Variants in TOPAZ1 observed in about 807,000 individuals in gnomAD.
The protein encoded by TOPAZ1 is testis and ovary specific TOPAZ 1, also known as protein TOPAZ1.
TOPAZ1 carries 66 observed loss-of-function variants against 172.2 expected under a neutral mutation model. That is an observed-to-expected ratio of 0.38 (90% CI 0.31 to 0.47). The LOEUF is 0.47. Among genes scored for constraint, TOPAZ1 ranks in the 20% least tolerant of loss-of-function variants. The pLI is 0.99. For missense variants in TOPAZ1, 1,822 were observed against 1,972.4 expected (o/e 0.92, Z 1.44); for synonymous variants, 681 against 683.9 (o/e 1.00, Z 0.07).
intron 12 of TOPAZ1, among the ~76,000 whole-genome samples, chr3:44,296,863 A>G (rs200441601): frequency 8.1e-4 from 99 of 121,682 alleles, no homozygotes; most frequent in Non-Finnish European, 1.4e-3. Context: ...AAAAAAAAAA[A>G]AGAAAAAAAA....
rs796380330 is a variant in TOPAZ1, at chr3:44,252,119, G to A, written c.2766-2849G>A. ...TCCCATACCTATATAAATTATACTA[G>A]CAGTATTATAAATACTATCTTAATA... On this transcript the variant is annotated intron_variant, in intron 2 of 19. Transcript: ENST00000309765. 6.6e-5 allele frequency among the ~76,000 whole-genome samples: 10 copies of A among 151,966 alleles called. No individual in the cohort carries two copies. In the South Asian group the frequency reaches 2.1e-3, roughly 31 times the overall value.
intron 9 of TOPAZ1, 80 bp from the exon 10 acceptor site, chr3:44,287,309 A>G: frequency 1.4e-6 from 1 of 734,306 alleles, no homozygotes; most frequent in Non-Finnish European, 2.0e-6. Context: ...TTATCTTTAT[A>G]TATAGAAAAA....
intron 2 of TOPAZ1, among the ~76,000 whole-genome samples, chr3:44,254,627 C>CAAA (rs10579109): frequency 6.0e-5 from 5 of 83,200 alleles, no homozygotes; most frequent in African/African-American, 9.6e-5. Flanking sequence ...AACTCCGTCT[C>CAAA]AAAAAAAAAA....
At chr3:44,298,365 G>A (rs1700223087) in intron 12 of TOPAZ1, among the ~76,000 whole-genome samples, 1 of 152,084 alleles carries the variant, frequency 6.6e-6, no homozygotes, top group African/African-American at 2.4e-5. Context: ...TGTAGCTGTG[G>A]GAGGATCACT....
rs1057197337 is a variant in TOPAZ1 at position 44,243,909 on chromosome 3, G to A, written c.1403G>A (p.Arg468Gln). 7.1e-6 allele frequency: 11 copies of A among 1,552,098 alleles called. No homozygotes were observed. Among genetic ancestry groups the A allele is most frequent in the South Asian group, 2.4e-5 (2 of 84,044 alleles). ...NEYHIERRSS[R>Q]EDLRSASEEL... ...TACCATATTGAAAGGAGATCTTCACGGGAAGACTTAAGAAGTGCATCTGAA... is the reference window on the plus strand; with the variant it reads ...TACCATATTGAAAGGAGATCTTCACAGGAAGACTTAAGAAGTGCATCTGAA... The change falls in exon 2 of 20, where the codon CGG (arginine) becomes CAG (glutamine). Residue 468 changes from arginine to glutamine, a missense_variant. Around this residue, in one of 2 missense-constraint regions of TOPAZ1, gnomAD observed 1,489 missense variants for 1,490.8 expected, o/e 1.00. Transcript: ENST00000309765.
chr3:44,268,530 T>C (rs1044386570), intron 6 of TOPAZ1, among the ~76,000 whole-genome samples: 7 of 151,746 alleles, frequency 4.6e-5, no homozygotes, highest in Non-Finnish European at 7.4e-5. Flanking sequence ...CGCACCACCA[T>C]GCCTGGCTAA....
In TOPAZ1 at chr3:44,287,586, TTC is replaced by T. The variant is rs1305332150; in HGVS notation, c.3588+50_3588+51del. 2.3e-6 allele frequency: 3 copies of T among 1,288,884 alleles called. No homozygotes were observed. In the African/African-American group the frequency reaches 4.6e-5, roughly 20 times the overall value. 79.8% of individuals were successfully genotyped at this position (1,288,884 alleles called of 1,614,324 possible). The stretch of plus-strand genomic sequence containing the variant: ...TGTTATTTTAATATTTTATGTTAAT[TTC>T]TCTGTCATATTCATTGTTTGAACTT... On this transcript the variant is annotated intron_variant, in intron 10 of 19. Transcript: ENST00000309765.
chr3:44,266,928 T>C, intron 5 of TOPAZ1, 69 bp from the exon 6 acceptor site: 1 of 1,139,804 alleles, frequency 8.8e-7, no homozygotes, highest in Admixed American at 3.4e-5. Context: ...ATATCTGATA[T>C]CTGCAAAGCA....
intron 6 of TOPAZ1, 141 bp downstream of exon 6, chr3:44,267,277 C>T: frequency 1.7e-6 from 1 of 594,250 alleles, no homozygotes; most frequent in Non-Finnish European, 2.6e-6. Flanking sequence ...GTTTGTGCAC[C>T]TTTACTTAGT....
intron 2 of TOPAZ1, among the ~76,000 whole-genome samples, chr3:44,250,427 T>G (rs1300292018): frequency 1.3e-5 from 2 of 152,022 alleles, no homozygotes; most frequent in African/African-American, 2.4e-5. Context: ...TTATTAAATT[T>G]TTATTAAATT....
At chr3:44,257,349 AGGG>A (rs201484200) in intron 4 of TOPAZ1, among the ~76,000 whole-genome samples, 1 of 93,574 alleles carries the variant, frequency 1.1e-5, no homozygotes, top group Non-Finnish European at 2.3e-5. Flanking sequence ...AAGAAAACAT[AGGG>A]GTGTGTGTGT....
intron 16 of TOPAZ1, 137 bp from the exon 17 acceptor site, chr3:44,320,890 C>A: frequency 1.9e-6 from 1 of 539,492 alleles, no homozygotes. Context: ...AAATTTGAGC[C>A]ATGGTTATCT....
intron 12 of TOPAZ1, among the ~76,000 whole-genome samples, chr3:44,291,281 T>C (rs2125694328): frequency 6.6e-6 from 1 of 151,552 alleles, no homozygotes; most frequent in Non-Finnish European, 1.5e-5. Flanking sequence ...ACTTTCTCTA[T>C]TCAGCTTGTG....
At chr3:44,285,082 T>A (rs553191923) in intron 9 of TOPAZ1, among the ~76,000 whole-genome samples, 54 of 152,350 alleles carry the variant, frequency 3.5e-4, no homozygotes, top group African/African-American at 1.3e-3. Context: ...ACTAGAATTA[T>A]GCATTCCTAA....
chr3:44,310,876 A>G (rs1197494331), intron 16 of TOPAZ1, among the ~76,000 whole-genome samples: 1 of 152,234 alleles, frequency 6.6e-6, no homozygotes, highest in African/African-American at 2.4e-5. Flanking sequence ...AATTACAGTG[A>G]AATTAAGCCA....
In TOPAZ1 at chr3:44,287,728, AT is replaced by A. The variant is rs749608439; in HGVS notation, c.3589-12del. 151 of 1,294,224 alleles carry A rather than the reference AT, an allele frequency of 1.2e-4. No homozygotes were observed. The highest frequency in any genetic ancestry group is 1.1e-4 in the Admixed American group (4 of 35,400). The allele number at this position is 1,294,224 out of a possible 1,614,324, so 80.2% of individuals were successfully genotyped here. ...AAAAGAAGATCTGAAAATGAGTGTA[AT>A]TTTTTTGTTTTATCCAGCCTTCTCT... On this transcript the variant is annotated intron_variant, in intron 10 of 19. Transcript: ENST00000309765.
At chr3:44,281,583 AATT>A (rs1218774346) in intron 8 of TOPAZ1, among the ~76,000 whole-genome samples, 2 of 152,200 alleles carry the variant, frequency 1.3e-5, no homozygotes, top group African/African-American at 4.8e-5. Context: ...ATCAAGATAC[AATT>A]TTTTCCCATG....
At chr3:44,314,864 C>T (rs1361688623) in intron 16 of TOPAZ1, among the ~76,000 whole-genome samples, 1 of 152,086 alleles carries the variant, frequency 6.6e-6, no homozygotes, top group Non-Finnish European at 1.5e-5. Flanking sequence ...GTTGTTGATT[C>T]TGCCGATCTG....
chr3:44,329,417 C>T (rs1700639348), intron 19 of TOPAZ1, among the ~76,000 whole-genome samples: 1 of 152,202 alleles, frequency 6.6e-6, no homozygotes, highest in East Asian at 1.9e-4. Flanking sequence ...ACATGGGCCT[C>T]TCCATAGGTT....
Sources: allele counts gnomAD v4.1 joint callset (sites outside exome capture counted in the v4.1 genomes callset), GRCh38; gene constraint gnomAD v4.1.1; regional missense constraint gnomAD v4.1.1; transcripts MANE v1.5; gene names NCBI Gene and HGNC (gene_info 2026-07-23, HGNC 2026-07-21).